ARHGAP26: variants seen among roughly 807,000 people sequenced by gnomAD.
ARHGAP26 encodes the protein rho GTPase-activating protein 26.
ARHGAP26 carries 38 observed loss-of-function variants against 104.8 expected under a neutral mutation model. That is an observed-to-expected ratio of 0.36 (90% confidence interval 0.28 to 0.48). The LOEUF is 0.48. Ranked by LOEUF, ARHGAP26 falls within the 20% of genes least tolerant of loss-of-function variation. The pLI is 0.99. For synonymous variants in ARHGAP26, 341 were observed against 340.0 expected, an observed-to-expected ratio of 1.00 and a Z score of -0.03; for missense variants, 704 against 947.9, an observed-to-expected ratio of 0.74 and a Z score of 3.38.
At chr5:142,815,572 A>G (rs1764945964) in intron 1 of ARHGAP26, among the ~76,000 whole-genome samples, 2 of 152,244 alleles carry the variant, frequency 1.3e-5, no homozygotes, top group Non-Finnish European at 2.9e-5. Flanking sequence ...TTCACTGCAC[A>G]CATTTATTGA....
intron 17 of ARHGAP26, among the ~76,000 whole-genome samples, chr5:143,092,605 T>A (rs1296321554): frequency 6.6e-6 from 1 of 152,148 alleles, no homozygotes; most frequent in Non-Finnish European, 1.5e-5. Flanking sequence ...TGAACTTCCT[T>A]CACGTAGGTG....
chr5:142,789,580 A>C (rs760026443), intron 1 of ARHGAP26, among the ~76,000 whole-genome samples: 33 of 152,332 alleles, frequency 2.2e-4, no homozygotes, highest in African/African-American at 7.7e-4. Context: ...TTTGAGTCTA[A>C]TGTAAGTATC....
intron 11 of ARHGAP26, among the ~76,000 whole-genome samples, chr5:142,964,573 A>G (rs1305050958): frequency 7.2e-6 from 1 of 138,222 alleles, no homozygotes; most frequent in Non-Finnish European, 1.5e-5. Context: ...CACACACACA[A>G]AACAACAACA....
In ARHGAP26 at chr5:142,959,900, C is replaced by T. The variant is rs1598396423; in HGVS notation, c.1107+27775C>T. Among the ~76,000 whole-genome samples, 3 of 152,304 alleles carry T rather than the reference C, an allele frequency of 2.0e-5. No homozygotes were observed. In the East Asian group the frequency reaches 5.8e-4, roughly 29 times the overall value. On this transcript the variant is annotated intron_variant, in intron 11 of 22. Coordinates refer to ENST00000645722, the MANE Select transcript of ARHGAP26 (RefSeq NM_001135608.3). ...GTCTGGTGGCCAAACTTTGGACAAA[C>T]CCTACCATGTGTGACACTGTTGTGA...
chr5:142,891,326 A>G (rs753919752), intron 5 of ARHGAP26, among the ~76,000 whole-genome samples: 6 of 151,904 alleles, frequency 3.9e-5, no homozygotes, highest in Non-Finnish European at 7.3e-5. Flanking sequence ...AAATGCCCCC[A>G]GTCTTAGCCT....
intron 20 of ARHGAP26, among the ~76,000 whole-genome samples, chr5:143,192,135 C>T (rs1426171728): frequency 6.6e-6 from 1 of 152,174 alleles, no homozygotes; most frequent in East Asian, 1.9e-4. Flanking sequence ...AAGACAACTG[C>T]AATTCAATGT....
intron 20 of ARHGAP26, among the ~76,000 whole-genome samples, chr5:143,199,065 G>C (rs1285221352): frequency 2.0e-4 from 30 of 152,036 alleles, no homozygotes; most frequent in Admixed American, 2.0e-3. Context: ...GACCTTAAGG[G>C]GATTTCACTA....
In ARHGAP26 at chr5:142,817,525, A is replaced by G. The variant is rs142679333; in HGVS notation, c.154+46610A>G. 3.6e-3 allele frequency among the ~76,000 whole-genome samples: 546 copies of G among 152,226 alleles called. 6 individuals carry two copies. The highest frequency in any genetic ancestry group is 0.013 in the African/African-American group (520 of 41,534). On this transcript the variant is annotated intron_variant, in intron 1 of 22. Coordinates refer to ENST00000645722, the MANE Select transcript of ARHGAP26 (RefSeq NM_001135608.3). ...CTTCCTGCTGTAGAGGTGAAGGATA[A>G]GAGGGCTGTTGGTGGCCTGTGGGTG...
At chr5:142,827,857 C>G (rs1167869648) in intron 1 of ARHGAP26, among the ~76,000 whole-genome samples, 3 of 152,186 alleles carry the variant, frequency 2.0e-5, no homozygotes, top group Admixed American at 2.0e-4. Flanking sequence ...GCTCAATAAA[C>G]GTCAGCCGTT....
At chr5:142,806,791 G>A (rs1763077492) in intron 1 of ARHGAP26, among the ~76,000 whole-genome samples, 1 of 152,108 alleles carries the variant, frequency 6.6e-6, no homozygotes, top group African/African-American at 2.4e-5. Flanking sequence ...AATCCTTTTG[G>A]TAGTACAAAG....
intron 21 of ARHGAP26, 63 bp from the exon 22 acceptor site, chr5:143,213,934 A>T: frequency 9.1e-7 from 1 of 1,101,854 alleles, no homozygotes; most frequent in Non-Finnish European, 1.3e-6. Context: ...AAGAGAGATG[A>T]AATGTCTGGG....
At chr5:142,987,821 C>A (rs1014320355) in intron 11 of ARHGAP26, among the ~76,000 whole-genome samples, 3 of 152,276 alleles carry the variant, frequency 2.0e-5, no homozygotes, top group African/African-American at 7.2e-5. Context: ...TGTATTGAAC[C>A]AGCCTTGCAT....
intron 20 of ARHGAP26, among the ~76,000 whole-genome samples, chr5:143,183,073 CAAAAAAAAAA>C (rs70991799): frequency 2.2e-5 from 2 of 89,962 alleles, no homozygotes; most frequent in Admixed American, 1.3e-4. Context: ...TGAAAAGTGG[CAAAAAAAAAA>C]AAAAAAAAGA....
intron 17 of ARHGAP26, among the ~76,000 whole-genome samples, chr5:143,082,040 G>A (rs1789917286): frequency 6.6e-6 from 1 of 150,826 alleles, no homozygotes; most frequent in Non-Finnish European, 1.5e-5. Flanking sequence ...AAAAATGGTA[G>A]CTTTTGTCTG....
intron 1 of ARHGAP26, among the ~76,000 whole-genome samples, chr5:142,813,864 C>G (rs1470413806): frequency 1.3e-5 from 2 of 152,218 alleles, no homozygotes; most frequent in Admixed American, 1.3e-4. Context: ...CAGTGTGGTT[C>G]AGGAATGCAG....
chr5:143,149,262 G>T (rs1799527657), intron 20 of ARHGAP26, among the ~76,000 whole-genome samples: 1 of 152,124 alleles, frequency 6.6e-6, no homozygotes, highest in Admixed American at 6.5e-5. Context: ...AAAAAGAAGT[G>T]TGGGTGTGCC....
At chr5:142,974,791 T>A (rs1772818768) in intron 11 of ARHGAP26, among the ~76,000 whole-genome samples, 1 of 152,236 alleles carries the variant, frequency 6.6e-6, no homozygotes, top group Admixed American at 6.5e-5. Flanking sequence ...CCTCCTCAAC[T>A]ATTTAGCATT....
chr5:143,014,301 A>G, intron 12 of ARHGAP26, 185 bp downstream of exon 12: 1 of 639,878 alleles, frequency 1.6e-6, no homozygotes, highest in Non-Finnish European at 2.8e-6. Context: ...ACGGTAAGTG[A>G]GCCTGGCTGG....
At chr5:142,883,418 G>A (rs1757279354) in intron 4 of ARHGAP26, among the ~76,000 whole-genome samples, 1 of 152,222 alleles carries the variant, frequency 6.6e-6, no homozygotes, top group Non-Finnish European at 1.5e-5. Context: ...GGAGTAATGT[G>A]TCCTCAGGCT....
Sources: allele counts gnomAD v4.1 joint callset (sites outside exome capture counted in the v4.1 genomes callset), GRCh38; gene constraint gnomAD v4.1.1; transcripts MANE v1.5; gene names NCBI Gene and HGNC (gene_info 2026-07-23, HGNC 2026-07-21).